DNA2: variants seen among roughly 807,000 people sequenced by gnomAD.
DNA2 encodes the protein DNA replication ATP-dependent helicase/nuclease DNA2.
Under a neutral mutation model 119.1 loss-of-function variants are expected in DNA2, and 101 were observed. That is an observed-to-expected ratio of 0.85 (90% CI 0.72 to 1.00). DNA2 has a LOEUF of 1.00. DNA2 is among the 50% of genes least tolerant of loss of function. DNA2 has a pLI of 0.00. For synonymous variants in DNA2, 366 were observed against 424.4 expected, an observed-to-expected ratio of 0.86 and a Z score of 1.69; for missense variants, 1,121 against 1,255.5, an observed-to-expected ratio of 0.89 and a Z score of 1.62.
At chr10:68,461,731 G>A (rs61855137) in intron 4 of DNA2, among the ~76,000 whole-genome samples, 2 of 151,362 alleles carry the variant, frequency 1.3e-5, no homozygotes, top group Non-Finnish European at 2.9e-5. Flanking sequence ...GGGAGGCTGA[G>A]GCAAGATAAT....
At position 68,437,064 on chromosome 10, in the gene DNA2, A is replaced by C; in HGVS notation, c.1593T>G (p.Ser531=). 6.2e-7 allele frequency: 1 copy of C among 1,613,972 alleles called. No individual in the cohort carries two copies. The change falls in exon 10 of 21, where the codon TCT becomes TCG. Residue 531 remains serine (S), a synonymous_variant. Transcript: ENST00000358410. ...TGTTAATCTCCTTCACATATCCTCT[A>C]GACAAAGCAAACAGTGACCTTTCTT... ...SGEERSLFAL[S]RGYVKEINMT... is the part of the protein sequence containing the mutation.
chr10:68,427,567 T>C (rs1432653125), intron 14 of DNA2, among the ~76,000 whole-genome samples: 1 of 151,386 alleles, frequency 6.6e-6, no homozygotes, highest in Admixed American at 6.6e-5. Context: ...AAAGATCACT[T>C]GAGCCCAGAA....
At chr10:68,466,085 ATC>A (rs1427881182) in intron 3 of DNA2, among the ~76,000 whole-genome samples, 1 of 151,902 alleles carries the variant, frequency 6.6e-6, no homozygotes, top group African/African-American at 2.4e-5. Flanking sequence ...CAGTGGCACA[ATC>A]TCAGCTCACT....
intron 14 of DNA2, among the ~76,000 whole-genome samples, chr10:68,427,242 C>T (rs1183822711): frequency 1.3e-5 from 2 of 151,794 alleles, no homozygotes; most frequent in African/African-American, 4.8e-5. Context: ...CCTGTAATCC[C>T]AGCTACTTGG....
chr10:68,422,122 C>T (rs1166763080), intron 17 of DNA2, 103 bp downstream of exon 17: 1 of 1,010,214 alleles, frequency 9.9e-7, no homozygotes, highest in Non-Finnish European at 1.4e-6. Context: ...CTAGTTTTGC[C>T]TTTTAACTGA....
chr10:68,446,550 T>C lies in DNA2; in HGVS notation c.940-137A>G, dbSNP rs1005099216. 22 of 626,672 alleles carry C rather than the reference T, an allele frequency of 3.5e-5. No homozygotes were observed. The Admixed American group carries it at 4.5e-4, about 13-fold the overall frequency. The allele number at this position is 626,672 out of a possible 1,614,324, so 38.8% of individuals were successfully genotyped here. A position where few individuals can be genotyped will look rare whatever the true frequency, so the allele number is the denominator to read the frequency against. ...TATTTAATAAGTAACATGAGCCAAA[T>C]TGGTAAAGATAACACAACAAATTTG... On this transcript the variant is annotated intron_variant, in intron 6 of 20. Transcript: ENST00000358410.
At chr10:68,431,408 G>A (rs548852709) in intron 13 of DNA2, among the ~76,000 whole-genome samples, 4 of 151,910 alleles carry the variant, frequency 2.6e-5, no homozygotes, top group African/African-American at 7.2e-5. Context: ...TCAGCCTCCC[G>A]AGTAAAGCTA....
chr10:68,455,453 T>C (rs2052170332), intron 5 of DNA2, among the ~76,000 whole-genome samples: 1 of 152,168 alleles, frequency 6.6e-6, no homozygotes, highest in Admixed American at 6.6e-5. Flanking sequence ...CTAAACAATC[T>C]ATTCACTCTA....
Position 68,468,999 on chromosome 10 carries a change from G to A in DNA2, c.258-693C>T, listed in dbSNP as rs185731509. Among the ~76,000 whole-genome samples, 50 of 152,164 alleles carry A rather than the reference G, an allele frequency of 3.3e-4. No individual in the cohort carries two copies. The East Asian group carries it at 9.5e-3, about 29-fold the overall frequency. ...CAGGAAGCGGAGGTTGCAGTGAGCC[G>A]CGATCACGCCATTGCACTCTAGCCT... On this transcript the variant is annotated intron_variant, in intron 2 of 20. Coordinates refer to ENST00000358410, the MANE Select transcript of DNA2 (RefSeq NM_001080449.3).
chr10:68,461,752 C>A (rs759970596), intron 4 of DNA2, among the ~76,000 whole-genome samples: 4 of 148,832 alleles, frequency 2.7e-5, no homozygotes, highest in Non-Finnish European at 4.4e-5. Context: ...TGCTTGAACC[C>A]GGAAGGCGGA....
chr10:68,427,902 G>A (rs1174802575), intron 14 of DNA2, among the ~76,000 whole-genome samples: 2 of 149,838 alleles, frequency 1.3e-5, no homozygotes, highest in South Asian at 2.1e-4. Context: ...GCGTGGTGGC[G>A]CATGCCTGTA....
At chr10:68,429,946 G>A (rs1162182712) in intron 14 of DNA2, among the ~76,000 whole-genome samples, 6 of 143,310 alleles carry the variant, frequency 4.2e-5, no homozygotes, top group South Asian at 2.3e-4. Context: ...GCAGTGGCGC[G>A]ATCTCTGCTC....
intron 1 of DNA2, among the ~76,000 whole-genome samples, chr10:68,471,144 C>A (rs2052377149): frequency 6.6e-6 from 1 of 152,180 alleles, no homozygotes. Context: ...GTGATAACAC[C>A]AAACGCCTTT....
chr10:68,453,579 T>C (rs543601664), intron 5 of DNA2, among the ~76,000 whole-genome samples: 4 of 152,346 alleles, frequency 2.6e-5, no homozygotes, highest in African/African-American at 9.6e-5. Flanking sequence ...TCCCATAAGA[T>C]TATAATGGAA....
rs766587630 is a variant in DNA2 at position 68,432,227 on chromosome 10, T to C, written c.1852A>G (p.Thr618Ala). The part of the protein sequence containing the change: ...SSVLPHDAKD[T>A]VACILKGLNK... The stretch of plus-strand genomic sequence containing the variant: ...ATACCCTTTAGAATGCAGGCAACTG[T>C]ATCCTTTGCATCATGTGGAAGAACA... Residue 618 changes from threonine (T) to alanine (A), a missense_variant, in exon 12 of 21, where the codon ACA becomes GCA. Coordinates refer to ENST00000358410, the MANE Select transcript of DNA2 (RefSeq NM_001080449.3). 10 of 1,595,852 alleles carry C rather than the reference T, an allele frequency of 6.3e-6. No homozygotes were observed. The highest frequency in any genetic ancestry group is 8.5e-6 in the Non-Finnish European group (10 of 1,170,538).
At chr10:68,451,396 T>C (rs925522325) in intron 5 of DNA2, among the ~76,000 whole-genome samples, 2 of 152,102 alleles carry the variant, frequency 1.3e-5, no homozygotes, top group East Asian at 1.9e-4. Flanking sequence ...AACATATAAA[T>C]GTTGAAGGAA....
At chr10:68,444,134 G>A (rs969164762) in intron 8 of DNA2, among the ~76,000 whole-genome samples, 6 of 151,728 alleles carry the variant, frequency 4.0e-5, no homozygotes, top group African/African-American at 1.5e-4. Context: ...GTTCATGCCT[G>A]TAATCCCAGC....
intron 4 of DNA2, among the ~76,000 whole-genome samples, chr10:68,463,182 C>A (rs1312840323): frequency 2.0e-5 from 3 of 151,628 alleles, no homozygotes; most frequent in Non-Finnish European, 4.4e-5. Flanking sequence ...CAGTGGCTCA[C>A]ACCTGTAATC....
chr10:68,469,006 C>T (rs550976767), intron 2 of DNA2, among the ~76,000 whole-genome samples: 27 of 152,142 alleles, frequency 1.8e-4, no homozygotes, highest in African/African-American at 6.0e-4. Flanking sequence ...GCCGCGATCA[C>T]GCCATTGCAC....
Sources: gnomAD v4.1 joint callset for allele counts (sites outside exome capture counted in the v4.1 genomes callset) on GRCh38, gnomAD v4.1.1 for gene constraint, MANE v1.5 for transcripts, NCBI Gene and HGNC (gene_info 2026-07-23, HGNC 2026-07-21) for gene names.